GLB1: variants seen among roughly 807,000 people sequenced by gnomAD.
GLB1 encodes galactosidase beta 1, also known as beta-galactosidase.
A neutral mutation model predicts 74.0 loss-of-function variants in GLB1; 56 were observed. The observed-to-expected ratio is 0.76, with a 90% CI of 0.61 to 0.94. GLB1 has a LOEUF of 0.94. GLB1 is among the 40% of genes least tolerant of loss of function. GLB1 has a pLI of 0.00. For synonymous variants in GLB1, 323 were observed against 323.6 expected, an observed-to-expected ratio of 1.00 and a Z score of 0.02; for missense variants, 787 against 845.5, an observed-to-expected ratio of 0.93 and a Z score of 0.86.
intron 10 of GLB1, among the ~76,000 whole-genome samples, chr3:33,043,515 A>C (rs1698588417): frequency 6.6e-6 from 1 of 152,188 alleles, no homozygotes; most frequent in African/African-American, 2.4e-5. Flanking sequence ...AAAACAAAAC[A>C]AAAAACCTCA....
At chr3:33,003,068 G>C (rs945662163) in intron 15 of GLB1, among the ~76,000 whole-genome samples, 2 of 152,116 alleles carry the variant, frequency 1.3e-5, no homozygotes, top group Non-Finnish European at 2.9e-5. Flanking sequence ...ACCCCAAAAG[G>C]CTCTGCAGCT....
chr3:32,980,533 T>C, the GLB1 span, among the ~76,000 whole-genome samples: 1 of 152,166 alleles, frequency 6.6e-6, no homozygotes, highest in African/African-American at 2.4e-5. Context: ...TTTAAAACCA[T>C]CAGCTTTGGG....
chr3:33,037,592 C>T (rs1039423808), intron 10 of GLB1, among the ~76,000 whole-genome samples: 1 of 152,122 alleles, frequency 6.6e-6, no homozygotes, highest in Admixed American at 6.6e-5. Flanking sequence ...CTAGAAAAAA[C>T]TACAGTGCTC....
chr3:32,997,442 GA>G lies in GLB1; in HGVS notation c.1735-99del, dbSNP rs1454087595. 6 of 1,556,444 alleles carry G rather than the reference GA, an allele frequency of 3.9e-6. No homozygotes were observed. In the Admixed American group the frequency reaches 1.1e-4, roughly 29 times the overall value. On this transcript the variant is annotated intron_variant, in intron 15 of 15. Coordinates refer to ENST00000307363, the MANE Select transcript of GLB1 (RefSeq NM_000404.4). The stretch of plus-strand genomic sequence containing the variant: ...GTAGGGCAGGCCAGCAGCAATGGAG[GA>G]AAGAAATGCCCCCAGAAAGGCGAGG...
chr3:33,045,298 A>G, intron 10 of GLB1: 1 of 914,920 alleles, frequency 1.1e-6, no homozygotes, highest in Non-Finnish European at 1.3e-6. Flanking sequence ...TGACTATGAA[A>G]GAAGAAAACA....
chr3:33,093,787 C>A lies in GLB1; in HGVS notation c.75+3224G>T. The A allele has an allele frequency of 6.2e-7, 1 of 1,613,312 alleles. No homozygotes were observed. Among genetic ancestry groups the A allele is most frequent in the Non-Finnish European group, 8.5e-7 (1 of 1,179,658 alleles). On this transcript the variant is annotated intron_variant, in intron 1 of 15. Transcript: ENST00000307363. This position sits in a 1 kb window ranked among gnomAD's most constrained non-coding sequence, Gnocchi z 6.0. ...AAGAGCTGGTAGGCCTGCTCCATGC[C>A]GCTGAGGATGAAGAGGAAGAAGAGC...
rs368902649 is a variant in GLB1, at chr3:33,005,078, C to G, written c.1735-7734G>C. On this transcript the variant is annotated intron_variant, in intron 15 of 15. Transcript: ENST00000307363. ...GTTTGGGCACGCAAGTCAGGAGAAG[C>G]AATCCCCCCACCTCTCACCAAGTAG... Among the ~76,000 whole-genome samples, 5 of 152,246 alleles carry G rather than the reference C, an allele frequency of 3.3e-5. No individual in the cohort carries two copies. The East Asian group carries it at 5.8e-4, about 18-fold the overall frequency.
chr3:33,060,738 A>C (rs1056385396), intron 5 of GLB1, among the ~76,000 whole-genome samples: 1 of 152,242 alleles, frequency 6.6e-6, no homozygotes, highest in African/African-American at 2.4e-5. Context: ...CACAATTGCG[A>C]GGCAGCTTAG....
intron 10 of GLB1, among the ~76,000 whole-genome samples, chr3:33,026,289 C>T (rs1697752179): frequency 6.6e-6 from 1 of 152,162 alleles, no homozygotes; most frequent in Non-Finnish European, 1.5e-5. Context: ...CACGTGCTGT[C>T]GCACGCTGGC....
At chr3:33,083,455 G>C (rs532454195) in intron 1 of GLB1, among the ~76,000 whole-genome samples, 2 of 150,538 alleles carry the variant, frequency 1.3e-5, no homozygotes, top group African/African-American at 4.9e-5. Flanking sequence ...AAAGGAGACA[G>C]AGAGAGAGAA....
intron 10 of GLB1, among the ~76,000 whole-genome samples, chr3:33,043,369 C>T (rs28752078): frequency 0.37 from 56,204 of 151,898 alleles, 11,075 homozygotes; most frequent in Middle Eastern, 0.5. Flanking sequence ...TGCCTAAATT[C>T]ACTGAGCTGT....
chr3:33,000,313 C>T (rs1461872036), intron 15 of GLB1, among the ~76,000 whole-genome samples: 12 of 152,140 alleles, frequency 7.9e-5, no homozygotes, highest in Admixed American at 7.9e-4. Flanking sequence ...ATGTGTCCAA[C>T]TTTAGTGATA....
At chr3:33,082,253 C>A (rs1003204272) in intron 1 of GLB1, among the ~76,000 whole-genome samples, 1 of 152,210 alleles carries the variant, frequency 6.6e-6, no homozygotes, top group Non-Finnish European at 1.5e-5. Flanking sequence ...GAGAGTCCAA[C>A]AAATCAGAGG....
At chr3:33,092,497 T>C (rs987329316) in intron 1 of GLB1, 27 of 1,072,216 alleles carry the variant, frequency 2.5e-5, no homozygotes, top group Non-Finnish European at 2.9e-5. Context: ...AGGTATGCCT[T>C]TCTAGCAACC....
intron 9 of GLB1, among the ~76,000 whole-genome samples, chr3:33,048,498 C>A (rs1575447346): frequency 6.6e-6 from 1 of 152,202 alleles, no homozygotes; most frequent in Non-Finnish European, 1.5e-5. Flanking sequence ...TGTGGACACA[C>A]ACAGGTGTGG....
chr3:33,014,427 T>A, intron 14 of GLB1, 117 bp from the exon 15 acceptor site: 1 of 1,477,602 alleles, frequency 6.8e-7, no homozygotes, highest in Non-Finnish European at 9.2e-7. Flanking sequence ...CAACAGGAAA[T>A]GAACCTCGAA....
rs977975596 is a variant in GLB1, at chr3:33,046,217, T to C, written c.971A>G (p.Tyr324Cys). The C allele has an allele frequency of 6.2e-7, 1 of 1,614,014 alleles. No individual in the cohort carries two copies. The highest frequency in any genetic ancestry group is 8.5e-7 in the Non-Finnish European group (1 of 1,179,992). Residue 324 changes from tyrosine (Y) to cysteine (C), a missense_variant, in exon 10 of 16, where the codon TAT (tyrosine) becomes TGT (cysteine). Coordinates refer to ENST00000307363, the MANE Select transcript of GLB1 (RefSeq NM_000404.4). ...FAYWNGANSP[Y>C]AAQPTSYDYD... ...GTCGTAGCTGGTGGGCTGTGCTGCA[T>C]AGGGTGAGTTGGCCCCTAGAAGACA...
chr3:33,043,514 CA>C (rs1698588515), intron 10 of GLB1, among the ~76,000 whole-genome samples: 3 of 151,442 alleles, frequency 2.0e-5, no homozygotes, highest in Non-Finnish European at 1.5e-5. Flanking sequence ...CAAAACAAAA[CA>C]AAAAACCTCA....
At chr3:33,070,597 ACT>A (rs1699855280) in intron 2 of GLB1, among the ~76,000 whole-genome samples, 3 of 152,312 alleles carry the variant, frequency 2.0e-5, no homozygotes, top group Admixed American at 6.5e-5. Context: ...TAATCCCTGC[ACT>A]CTGGGAGGCC....
Sources: allele counts gnomAD v4.1 joint callset (sites outside exome capture counted in the v4.1 genomes callset), GRCh38; gene constraint gnomAD v4.1.1; non-coding constraint Gnocchi (gnomAD v3.1); transcripts MANE v1.5; gene names NCBI Gene and HGNC (gene_info 2026-07-23, HGNC 2026-07-21).